Variants in TTC29 observed in about 807,000 individuals in gnomAD.
The protein encoded by TTC29 is tetratricopeptide repeat domain 29, also known as tetratricopeptide repeat protein 29.
A neutral mutation model predicts 58.1 loss-of-function variants in TTC29; 49 were observed. That is an observed-to-expected ratio of 0.84 (90% CI 0.67 to 1.07). TTC29 has a LOEUF of 1.07. TTC29 is among the 50% of genes least tolerant of loss of function. The pLI, the probability that TTC29 is intolerant of heterozygous loss-of-function variation, is 0.00. For missense variants in TTC29, 582 were observed against 555.6 expected, an observed-to-expected ratio of 1.05 and a Z score of -0.48; for synonymous variants, 209 against 196.8, an observed-to-expected ratio of 1.06 and a Z score of -0.52.
chr4:146,945,152 C>T (rs1736811405), intron 1 of TTC29, 75 bp from the exon 2 acceptor site: 1 of 152,130 alleles, frequency 6.6e-6, no homozygotes, highest in Admixed American at 6.5e-5. Flanking sequence ...CTCCTCTCCC[C>T]GCTCCAAGTC....
chr4:146,842,065 G>C (rs904238066), intron 8 of TTC29, among the ~76,000 whole-genome samples: 1 of 151,946 alleles, frequency 6.6e-6, no homozygotes, highest in African/African-American at 2.4e-5. Context: ...ATAATTATTG[G>C]GGGGGTGCTA....
chr4:146,839,803 T>C (rs975710732), intron 8 of TTC29, among the ~76,000 whole-genome samples: 1 of 151,982 alleles, frequency 6.6e-6, no homozygotes, highest in African/African-American at 2.4e-5. Flanking sequence ...ATCTCTTCTC[T>C]ACCCCTTTGG....
chr4:146,749,225 C>T (rs896328305), intron 11 of TTC29, among the ~76,000 whole-genome samples: 4 of 151,362 alleles, frequency 2.6e-5, no homozygotes, highest in South Asian at 2.1e-4. Context: ...GTAGGAGGAT[C>T]GCCTGAGCCC....
chr4:146,765,707 C>T (rs1425289154), intron 11 of TTC29, among the ~76,000 whole-genome samples: 1 of 152,082 alleles, frequency 6.6e-6, no homozygotes, highest in Non-Finnish European at 1.5e-5. Flanking sequence ...TGGCCCCAAA[C>T]GGAGTGAATG....
intron 11 of TTC29, among the ~76,000 whole-genome samples, chr4:146,795,540 A>C (rs1197282727): frequency 1.3e-5 from 2 of 152,196 alleles, no homozygotes; most frequent in African/African-American, 4.8e-5. Context: ...AGATCACAGA[A>C]TATTTATCCT....
intron 10 of TTC29, among the ~76,000 whole-genome samples, chr4:146,814,762 C>T (rs1020236740): frequency 1.4e-5 from 2 of 140,086 alleles, no homozygotes; most frequent in East Asian, 2.1e-4. Flanking sequence ...GGGAGGGGGG[C>T]GACTTGATGG....
In TTC29 at chr4:146,797,534, C is replaced by T. The variant is rs72958215; in HGVS notation, c.1330+5923G>A. On this transcript the variant is annotated intron_variant, in intron 11 of 12. Transcript: ENST00000325106. ...TGAGTATACAATTCTAGGTTTGATGCTTATTTTTTTTTATTTCAGTACTTT... is the reference window on the plus strand; with the variant it reads ...TGAGTATACAATTCTAGGTTTGATGTTTATTTTTTTTTATTTCAGTACTTT... Among the ~76,000 whole-genome samples the T allele has an allele frequency of 7.3e-3, 1,112 of 151,790 alleles. 14 individuals carry two copies. Among genetic ancestry groups the T allele is most frequent in the African/African-American group, 0.026 (1,062 of 41,438 alleles).
At chr4:146,793,411 G>T (rs1349900818) in intron 11 of TTC29, among the ~76,000 whole-genome samples, 1 of 152,126 alleles carries the variant, frequency 6.6e-6, no homozygotes, top group East Asian at 1.9e-4. Flanking sequence ...ATTATGACTT[G>T]CCGTAGGCTC....
chr4:146,843,285 T>C (rs937943991), intron 8 of TTC29, among the ~76,000 whole-genome samples: 1 of 152,224 alleles, frequency 6.6e-6, no homozygotes, highest in Non-Finnish European at 1.5e-5. Context: ...GAGTGGACAC[T>C]GAGGACAATT....
intron 7 of TTC29, among the ~76,000 whole-genome samples, chr4:146,868,400 G>T (rs1297165482): frequency 6.6e-6 from 1 of 152,062 alleles, no homozygotes; most frequent in Non-Finnish European, 1.5e-5. Context: ...ATTGATTAAA[G>T]AATAGGTGAG....
intron 8 of TTC29, among the ~76,000 whole-genome samples, chr4:146,858,369 A>G (rs1041195250): frequency 1.3e-5 from 2 of 152,180 alleles, no homozygotes; most frequent in Admixed American, 6.5e-5. Context: ...ACCTACAGCC[A>G]TTTCACATAT....
chr4:146,940,988 C>T (rs1166783805), intron 2 of TTC29, among the ~76,000 whole-genome samples: 1 of 152,142 alleles, frequency 6.6e-6, no homozygotes, highest in Non-Finnish European at 1.5e-5. Context: ...ATTATTGCAG[C>T]CCTTTTTGGA....
intron 11 of TTC29, among the ~76,000 whole-genome samples, chr4:146,767,518 A>G (rs1372631005): frequency 6.6e-6 from 1 of 152,040 alleles, no homozygotes. Flanking sequence ...GTGGAAGCGC[A>G]CATTTCTTCT....
intron 10 of TTC29, among the ~76,000 whole-genome samples, chr4:146,815,148 G>A (rs1208805467): frequency 1.3e-5 from 2 of 152,082 alleles, no homozygotes; most frequent in Admixed American, 6.6e-5. Flanking sequence ...CTGCTTATGC[G>A]GGGGTGGGAG....
At chr4:146,858,727 G>A (rs1384133114) in intron 8 of TTC29, among the ~76,000 whole-genome samples, 1 of 152,172 alleles carries the variant, frequency 6.6e-6, no homozygotes, top group Non-Finnish European at 1.5e-5. Flanking sequence ...CTCTCACAAG[G>A]CTGTCCTGAG....
intron 8 of TTC29, among the ~76,000 whole-genome samples, chr4:146,857,516 C>G (rs2150193512): frequency 6.6e-6 from 1 of 152,212 alleles, no homozygotes; most frequent in South Asian, 2.1e-4. Context: ...AGTGGCGAGC[C>G]CTCTTTAGCA....
At chr4:146,930,100 T>TACACAC (rs1343455965) in intron 4 of TTC29, among the ~76,000 whole-genome samples, 2 of 129,534 alleles carry the variant, frequency 1.5e-5, no homozygotes, top group Admixed American at 8.0e-5. Flanking sequence ...TATATATATA[T>TACACAC]ATATATATAT....
At chr4:146,742,757 CT>C (rs1310837314) in intron 11 of TTC29, among the ~76,000 whole-genome samples, 1 of 145,790 alleles carries the variant, frequency 6.9e-6, no homozygotes, top group African/African-American at 2.5e-5. Flanking sequence ...TTTCCCTCCC[CT>C]CCCCTCCCCT....
At chr4:146,854,546 T>C (rs959347031) in intron 8 of TTC29, among the ~76,000 whole-genome samples, 1 of 152,146 alleles carries the variant, frequency 6.6e-6, no homozygotes, top group Non-Finnish European at 1.5e-5. Context: ...TAATAAATTT[T>C]TCTCCTTCAT....
Sources: gnomAD v4.1 joint callset for allele counts (sites outside exome capture counted in the v4.1 genomes callset) on GRCh38, gnomAD v4.1.1 for gene constraint, MANE v1.5 for transcripts, NCBI Gene and HGNC (gene_info 2026-07-23, HGNC 2026-07-21) for gene names.